Variants in DPP6 observed in about 807,000 individuals in gnomAD.
DPP6 encodes the protein A-type potassium channel modulatory protein DPP6.
A neutral mutation model predicts 122.6 loss-of-function variants in DPP6; 69 were observed. The observed-to-expected ratio is 0.56, with a 90% CI of 0.46 to 0.69. The LOEUF (loss-of-function observed/expected upper bound fraction) is 0.69, where lower values mean the gene tolerates loss of function less well. Among genes scored for constraint, DPP6 ranks in the 30% least tolerant of loss-of-function variants. The pLI, the probability that DPP6 is intolerant of heterozygous loss-of-function variation, is 0.00. For missense variants in DPP6, 928 were observed against 1,116.9 expected, an observed-to-expected ratio of 0.83 and a Z score of 2.41; for synonymous variants, 418 against 433.1, an observed-to-expected ratio of 0.97 and a Z score of 0.43.
chr7:154,290,290 T>C (rs545584578), intron 1 of DPP6, among the ~76,000 whole-genome samples: 1 of 152,344 alleles, frequency 6.6e-6, no homozygotes, highest in East Asian at 1.9e-4. Context: ...TATTCATCTC[T>C]AATGTTTTAC....
chr7:154,663,010 C>T (rs1234226989), intron 6 of DPP6, among the ~76,000 whole-genome samples: 2 of 44,724 alleles, frequency 4.5e-5, no homozygotes, highest in Non-Finnish European at 1.1e-4. Flanking sequence ...AGTGTTCACG[C>T]AGTCATGGTG....
At chr7:154,743,506 G>A (rs1842906689) in intron 8 of DPP6, among the ~76,000 whole-genome samples, 2 of 152,192 alleles carry the variant, frequency 1.3e-5, no homozygotes, top group African/African-American at 4.8e-5. Context: ...GTGTGGTGAA[G>A]TGAGAGAAAG....
At chr7:154,465,565 T>G (rs577121215) in intron 2 of DPP6, among the ~76,000 whole-genome samples, 2 of 152,304 alleles carry the variant, frequency 1.3e-5, no homozygotes, top group Admixed American at 6.5e-5. Context: ...CAGACACTTT[T>G]CAAAAGAAGA....
At chr7:154,187,613 T>C (rs1161190424) in intron 1 of DPP6, among the ~76,000 whole-genome samples, 2 of 152,198 alleles carry the variant, frequency 1.3e-5, no homozygotes, top group Non-Finnish European at 2.9e-5. Context: ...AGTTTGAATA[T>C]TTAAGAGTAG....
At chr7:154,797,407 TAC>T (rs1407464693) in intron 12 of DPP6, among the ~76,000 whole-genome samples, 2 of 152,184 alleles carry the variant, frequency 1.3e-5, no homozygotes, top group Admixed American at 1.3e-4. Flanking sequence ...ATAATACATA[TAC>T]TGGAATATTA....
chr7:154,280,109 C>T lies in DPP6; in HGVS notation c.244-166105C>T, dbSNP rs141080016. 9.4e-3 allele frequency among the ~76,000 whole-genome samples: 1,438 copies of T among 152,236 alleles called. 26 individuals carry two copies. Among genetic ancestry groups the T allele is most frequent in the African/African-American group, 0.032 (1,342 of 41,540 alleles). On this transcript the variant is annotated intron_variant, in intron 1 of 25. Coordinates refer to ENST00000377770, the MANE Select transcript of DPP6 (RefSeq NM_130797.4). ...TAACTGCATTCAGATGGGCCAATAG[C>T]AGAAGTCACTCTGAAATTCATGAAA...
chr7:154,702,040 C>G (rs1294059027), intron 7 of DPP6, among the ~76,000 whole-genome samples: 1 of 152,226 alleles, frequency 6.6e-6, no homozygotes, highest in Non-Finnish European at 1.5e-5. Context: ...TTTGGCAATT[C>G]TCACAATATT....
intron 1 of DPP6, among the ~76,000 whole-genome samples, chr7:154,367,892 C>T (rs1362383610): frequency 1.3e-5 from 2 of 152,162 alleles, no homozygotes; most frequent in African/African-American, 2.4e-5. Context: ...CTGCAACCTC[C>T]GCCTCCCGGG....
At chr7:153,951,434 A>T (rs1321264301) in intron 1 of DPP6, among the ~76,000 whole-genome samples, 1 of 152,090 alleles carries the variant, frequency 6.6e-6, no homozygotes, top group Non-Finnish European at 1.5e-5. Flanking sequence ...GGGGCAAGGA[A>T]ACGCTACGAG....
At chr7:154,531,320 G>A (rs978106459) in intron 3 of DPP6, among the ~76,000 whole-genome samples, 18 of 152,150 alleles carry the variant, frequency 1.2e-4, no homozygotes, top group Non-Finnish European at 2.4e-4. Flanking sequence ...TCAATTAATG[G>A]TTGACTTCTC....
chr7:154,548,604 C>A (rs1440518468), intron 4 of DPP6, among the ~76,000 whole-genome samples: 3 of 151,982 alleles, frequency 2.0e-5, no homozygotes. Context: ...CTGTTCCCTG[C>A]AGGCTAAGGG....
chr7:153,989,548 A>G (rs1378087217), intron 1 of DPP6, among the ~76,000 whole-genome samples: 1 of 151,938 alleles, frequency 6.6e-6, no homozygotes, highest in East Asian at 2.0e-4. Context: ...GCCGGACTCC[A>G]GCTTCCTTGC....
At chr7:154,730,654 CCA>C (rs1842293875) in intron 8 of DPP6, among the ~76,000 whole-genome samples, 1 of 152,148 alleles carries the variant, frequency 6.6e-6, no homozygotes, top group Non-Finnish European at 1.5e-5. Context: ...GGTCATTCTG[CCA>C]CAGGGCAGAA....
At chr7:154,035,151 A>C (rs903410049) in intron 1 of DPP6, among the ~76,000 whole-genome samples, 14 of 152,160 alleles carry the variant, frequency 9.2e-5, no homozygotes, top group Admixed American at 3.9e-4. Flanking sequence ...AAAGCCTTTA[A>C]CTTTCCTTTG....
chr7:154,202,860 A>G (rs1000185069), intron 1 of DPP6, among the ~76,000 whole-genome samples: 7 of 152,214 alleles, frequency 4.6e-5, no homozygotes, highest in Non-Finnish European at 7.3e-5. Flanking sequence ...AACCTGGACT[A>G]TATTAGGCCT....
intron 3 of DPP6, among the ~76,000 whole-genome samples, chr7:154,477,845 G>A (rs1384247102): frequency 6.6e-6 from 1 of 152,148 alleles, no homozygotes; most frequent in African/African-American, 2.4e-5. Flanking sequence ...TTGGTGTTGA[G>A]GAGCTTTCTT....
rs200737066 is a variant in DPP6 at position 154,431,540 on chromosome 7, T to C, written c.244-14674T>C. Among the ~76,000 whole-genome samples the C allele has an allele frequency of 1.6e-3, 219 of 136,408 alleles. 13 individuals carry two copies. Among genetic ancestry groups the C allele is most frequent in the East Asian group, 0.011 (53 of 4,670 alleles). The allele number at this position is 136,408 out of a possible 152,430, so 89.5% of individuals were successfully genotyped here. A position where few individuals can be genotyped will look rare whatever the true frequency, so the allele number is the denominator to read the frequency against. ...ATTATTTCTTTCTTTCTTTCTTTTT[T>C]TTTTTTTTTTTGAGATGGAATCTTG... On this transcript the variant is annotated intron_variant, in intron 1 of 25. Transcript: ENST00000377770.
At chr7:154,320,004 ATATATATAT>A (rs1807796473) in intron 1 of DPP6, among the ~76,000 whole-genome samples, 1 of 7,874 alleles carries the variant, frequency 1.3e-4, no homozygotes, top group African/African-American at 3.0e-4. Flanking sequence ...TATTTCAAAT[ATATATATAT>A]ATATATATAT....
At chr7:153,766,601 C>T in the DPP6 span, among the ~76,000 whole-genome samples, 1,882 of 152,130 alleles carry the variant, frequency 0.012, 41 homozygotes, top group African/African-American at 0.043. Flanking sequence ...AATAAAGAAT[C>T]CATGAGTTTT....
Sources: allele counts gnomAD v4.1 joint callset (sites outside exome capture counted in the v4.1 genomes callset), GRCh38; gene constraint gnomAD v4.1.1; transcripts MANE v1.5; gene names NCBI Gene and HGNC (gene_info 2026-07-23, HGNC 2026-07-21).